Variants in ESYT3 observed in about 807,000 individuals in gnomAD.
ESYT3 encodes the protein extended synaptotagmin-3.
ESYT3 carries 101 observed loss-of-function variants against 111.5 expected under a neutral mutation model. That is an observed-to-expected ratio of 0.91 (90% confidence interval 0.77 to 1.07). ESYT3 has a LOEUF of 1.07. Ranked by LOEUF, ESYT3 falls within the 50% of genes least tolerant of loss-of-function variation. The pLI is 0.00. For synonymous variants in ESYT3, 416 were observed against 446.8 expected (o/e 0.93, Z 0.87); for missense variants, 1,097 against 1,109.4 (o/e 0.99, Z 0.16).
chr3:138,449,326 T>A (rs1429771092), intron 1 of ESYT3, among the ~76,000 whole-genome samples: 1 of 152,168 alleles, frequency 6.6e-6, no homozygotes, highest in East Asian at 1.9e-4. Context: ...GCTCAAGTGA[T>A]CCACCTGCCT....
At chr3:138,442,486 C>G (rs191575803) in intron 1 of ESYT3, among the ~76,000 whole-genome samples, 1 of 152,020 alleles carries the variant, frequency 6.6e-6, no homozygotes, top group Non-Finnish European at 1.5e-5. Flanking sequence ...TTCCTCTGTC[C>G]GCAGTTTCTC....
intron 20 of ESYT3, 46 bp from the exon 21 acceptor site, chr3:138,476,177 A>C (rs1037114389): frequency 7.9e-7 from 1 of 1,273,464 alleles, no homozygotes; most frequent in African/African-American, 1.5e-5. Flanking sequence ...TTTTCAAGAA[A>C]ACTGAATGAA....
intron 16 of ESYT3, 171 bp from the exon 17 acceptor site, chr3:138,470,706 G>C (rs992511166): frequency 2.1e-6 from 3 of 1,437,488 alleles, no homozygotes; most frequent in African/African-American, 2.9e-5. Flanking sequence ...CCTGACAGAA[G>C]ACAAGGACCA....
intron 17 of ESYT3, 36 bp downstream of exon 17, chr3:138,471,062 T>C (rs369186904): frequency 2.0e-5 from 32 of 1,580,376 alleles, no homozygotes; most frequent in Middle Eastern, 3.7e-4. Flanking sequence ...AGGGGAGGAA[T>C]AGAGCTCTGG....
chr3:138,474,137 T>G (rs2033372447), intron 19 of ESYT3, 84 bp from the exon 20 acceptor site: 2 of 1,548,050 alleles, frequency 1.3e-6, no homozygotes, highest in South Asian at 1.2e-5. Context: ...TTTGAAACTC[T>G]CAAACACTGA....
chr3:138,474,588 T>C, intron 20 of ESYT3: 1 of 371,708 alleles, frequency 2.7e-6, no homozygotes, highest in Non-Finnish European at 4.8e-6. Context: ...TTCCTGAATA[T>C]GGAATGTTCC....
intron 7 of ESYT3, among the ~76,000 whole-genome samples, chr3:138,461,106 C>T (rs1032395634): frequency 1.3e-5 from 2 of 152,200 alleles, no homozygotes; most frequent in African/African-American, 2.4e-5. Context: ...CTGGGCTCTT[C>T]CTCAGTAAAA....
intron 5 of ESYT3, among the ~76,000 whole-genome samples, chr3:138,459,586 A>G (rs2032504661): frequency 6.6e-6 from 1 of 152,184 alleles, no homozygotes; most frequent in African/African-American, 2.4e-5. Context: ...AGGAGGTGAA[A>G]ATAACTCTCG....
chr3:138,468,871 G>C lies in ESYT3; in HGVS notation c.1424G>C (p.Arg475Thr). ...GAATATCGAGCCAAAAAACTCTCCA[G>C]GTTTGCCAGAGTGAGTGAGTATGTG... Reference protein sequence around the residue: ...NGEYRAKKLSRFARNKVSKDP... With the variant: ...NGEYRAKKLSTFARNKVSKDP... The change falls in exon 14 of 23, where the codon AGG (arginine) becomes ACG (threonine). Residue 475 changes from arginine (R) to threonine (T), a missense_variant. By Grantham distance (71) the Arg-to-Thr change is moderately conservative (BLOSUM62 -1). Transcript: ENST00000389567. The C allele has an allele frequency of 6.2e-7, 1 of 1,614,196 alleles. No individual in the cohort carries two copies. The highest frequency in any genetic ancestry group is 8.5e-7 in the Non-Finnish European group (1 of 1,180,040).
chr3:138,460,794 T>G (rs2032588843), intron 7 of ESYT3, 128 bp downstream of exon 7: 2 of 1,061,984 alleles, frequency 1.9e-6, no homozygotes, highest in East Asian at 4.9e-5. Context: ...GGAGAAGCAT[T>G]GGTCTGTTTG....
At chr3:138,469,131 C>T in intron 14 of ESYT3, 1 of 600,460 alleles carries the variant, frequency 1.7e-6, no homozygotes, top group Non-Finnish European at 3.0e-6. Context: ...GGTCACACAG[C>T]TAAGAGGAGG....
chr3:138,441,404 C>T (rs2031141324), intron 1 of ESYT3, among the ~76,000 whole-genome samples: 1 of 152,102 alleles, frequency 6.6e-6, no homozygotes, highest in African/African-American at 2.4e-5. Context: ...GTTGCAGCCC[C>T]CTCTCCAGTG....
At chr3:138,464,633 TGCTCCTGTATCTACCA>T (rs1161249180) in intron 9 of ESYT3, 118 bp downstream of exon 9, 1 of 1,097,700 alleles carries the variant, frequency 9.1e-7, no homozygotes, top group African/African-American at 1.6e-5. Flanking sequence ...GTGGAATTCC[TGCTCCTGTATCTACCA>T]GGCTTCCAGA....
Position 138,472,399 on chromosome 3 carries a change from T to C in ESYT3, c.1777T>C (p.Tyr593His), listed in dbSNP as rs758434905. ...QVEERELGSP[Y>H]TGPEALKKGP... ...GGAGGAACGAGAGCTGGGGAGCCCA[T>C]ACACAGGACCTGAAGCCCTAAAGAA... The change falls in exon 18 of 23, where the codon TAC (tyrosine) becomes CAC (histidine). Residue 593 changes from tyrosine (Y) to histidine (H), a missense_variant. By Grantham distance (83) the Tyr-to-His change is moderately conservative. Coordinates refer to ENST00000389567, the MANE Select transcript of ESYT3 (RefSeq NM_031913.5). 1.2e-6 allele frequency: 2 copies of C among 1,614,130 alleles called. No individual in the cohort carries two copies. Among genetic ancestry groups the C allele is most frequent in the South Asian group, 2.2e-5 (2 of 91,080 alleles).
intron 1 of ESYT3, among the ~76,000 whole-genome samples, chr3:138,444,129 TTCTC>T (rs1232627830): frequency 6.6e-6 from 1 of 152,200 alleles, no homozygotes; most frequent in Non-Finnish European, 1.5e-5. Flanking sequence ...GCTTTACCTC[TTCTC>T]TCTAAATTCT....
intron 1 of ESYT3, among the ~76,000 whole-genome samples, chr3:138,438,816 C>T (rs1034100211): frequency 1.3e-5 from 2 of 152,210 alleles, no homozygotes; most frequent in Admixed American, 1.3e-4. Flanking sequence ...GAAGAATTCT[C>T]CTTACTAGAA....
intron 10 of ESYT3, 122 bp from the exon 11 acceptor site, chr3:138,467,439 A>G: frequency 3.1e-6 from 3 of 969,968 alleles, no homozygotes; most frequent in Non-Finnish European, 5.0e-6. Flanking sequence ...TCCTTGGGGT[A>G]AGATCCTCTG....
rs781732294 is a variant in ESYT3 at position 138,476,300 on chromosome 3, G to C, written c.2546G>C (p.Gly849Ala). The change falls in exon 21 of 23, where the codon GGC becomes GCC. Residue 849 changes from glycine to alanine, a missense_variant. Transcript: ENST00000389567. ...DVAVKNSRPL[G>A]SHRRKELGKV... ...GCAGTGAAAAATAGTAGGCCACTTGGCTCACACAGAAGAAAGGAGTTAGGA... is the reference window on the plus strand; with the variant it reads ...GCAGTGAAAAATAGTAGGCCACTTGCCTCACACAGAAGAAAGGAGTTAGGA... 2 of 1,613,596 alleles carry C rather than the reference G, an allele frequency of 1.2e-6. No homozygotes were observed. The highest frequency in any genetic ancestry group is 1.7e-6 in the Non-Finnish European group (2 of 1,179,672).
Position 138,473,576 on chromosome 3 carries a change from C to G in ESYT3, c.2278C>G (p.Leu760Val). Residue 760 changes from leucine (L) to valine (V), a missense_variant, in exon 19 of 23, where the codon CTC (leucine) becomes GTC (valine). Leu to Val is a conservative substitution (Grantham distance 32). Coordinates refer to ENST00000389567, the MANE Select transcript of ESYT3 (RefSeq NM_031913.5). ...LRRRQLGEIQ[L>V]TVRYVCLRRC... ...GCGACGGCAGCTGGGTGAGATTCAG[C>G]TCACAGTGCGCTATGTGTGTCTGCG... The G allele has an allele frequency of 6.2e-7, 1 of 1,613,874 alleles. No individual in the cohort carries two copies. The highest frequency in any genetic ancestry group is 8.5e-7 in the Non-Finnish European group (1 of 1,179,848).
Sources: allele counts gnomAD v4.1 joint callset (sites outside exome capture counted in the v4.1 genomes callset), GRCh38; gene constraint gnomAD v4.1.1; transcripts MANE v1.5; gene names NCBI Gene and HGNC (gene_info 2026-07-23, HGNC 2026-07-21).